The following FAM20A variants were observed in gnomAD, a reference collection of about 807,000 sequenced individuals.
FAM20A encodes FAM20A golgi associated secretory pathway pseudokinase.
A neutral mutation model predicts 52.0 loss-of-function variants in FAM20A; 42 were observed. The ratio of observed to expected loss-of-function variants is 0.81; its 90% CI spans 0.63 to 1.04. FAM20A has a LOEUF of 1.04. FAM20A is among the 50% of genes least tolerant of loss of function. The pLI is 0.00. For synonymous variants in FAM20A, 304 were observed against 298.9 expected, an observed-to-expected ratio of 1.02 and a Z score of -0.18; for missense variants, 742 against 712.7, an observed-to-expected ratio of 1.04 and a Z score of -0.47.
chr17:68,569,905 C>T (rs1290085098), intron 1 of FAM20A, among the ~76,000 whole-genome samples: 1 of 152,158 alleles, frequency 6.6e-6, no homozygotes, highest in Non-Finnish European at 1.5e-5. Context: ...GGTCCCATGT[C>T]TCTGTTTCTG....
Position 68,536,858 on chromosome 17 carries a change from T to C in FAM20A, c.*619A>G. The C allele has an allele frequency of 6.6e-6, 3 of 454,164 alleles. No individual in the cohort carries two copies. Among genetic ancestry groups the C allele is most frequent in the Non-Finnish European group, 1.3e-5 (3 of 226,804 alleles). 28.1% of individuals were successfully genotyped at this position (454,164 alleles called of 1,614,324 possible). A position where few individuals can be genotyped will look rare whatever the true frequency, so the allele number is the denominator to read the frequency against. The stretch of plus-strand genomic sequence containing the variant: ...CTCCTTTTCTGATATTCTTAGCAAA[T>C]CCCTCTTTTATTTTTGCCACTTGTT... On this transcript the variant is annotated 3_prime_UTR_variant, in exon 11 of 11. Transcript: ENST00000592554.
intron 1 of FAM20A, among the ~76,000 whole-genome samples, chr17:68,592,706 T>C (rs1464062720): frequency 2.0e-5 from 3 of 152,260 alleles, no homozygotes; most frequent in African/African-American, 7.2e-5. Context: ...TCAGTCCATG[T>C]ACCCTGTGCC....
At chr17:68,576,193 A>G (rs1009880869) in intron 1 of FAM20A, among the ~76,000 whole-genome samples, 4 of 152,056 alleles carry the variant, frequency 2.6e-5, no homozygotes, top group South Asian at 2.1e-4. Context: ...CTTTGCTTCA[A>G]TCCCCCACAC....
chr17:68,558,232 A>G (rs763680123), intron 1 of FAM20A: 12 of 314,382 alleles, frequency 3.8e-5, no homozygotes, highest in Non-Finnish European at 2.0e-5. Context: ...AACAACGAGA[A>G]TGAGCTTGAA....
At chr17:68,591,208 G>A (rs750992643) in intron 1 of FAM20A, among the ~76,000 whole-genome samples, 7 of 152,172 alleles carry the variant, frequency 4.6e-5, no homozygotes, top group Non-Finnish European at 8.8e-5. Context: ...CTGGGTTCAC[G>A]CCATTCTCCT....
At chr17:68,543,006 G>A (rs2086379035) in intron 5 of FAM20A, among the ~76,000 whole-genome samples, 197 bp from the exon 6 acceptor site, 1 of 152,178 alleles carries the variant, frequency 6.6e-6, no homozygotes. Context: ...AAGGAGTGGA[G>A]ATGGAGTTGA....
Position 68,600,127 on chromosome 17 carries a change from A to C in FAM20A, c.404+136T>G. 9.5e-7 allele frequency: 1 copy of C among 1,051,678 alleles called. No individual in the cohort carries two copies. 65.1% of individuals were successfully genotyped at this position (1,051,678 alleles called of 1,614,324 possible). A position where few individuals can be genotyped will look rare whatever the true frequency, so the allele number is the denominator to read the frequency against. On this transcript the variant is annotated intron_variant, in intron 1 of 10. Coordinates refer to ENST00000592554, the MANE Select transcript of FAM20A (RefSeq NM_017565.4). This position sits in a 1 kb window ranked among gnomAD's most constrained non-coding sequence, Gnocchi z 6.2. ...GGGTTCGGGTGGGGAACACACTCTA[A>C]GCCCAGCGCCAGGGCTGGAGCCGTG...
intron 5 of FAM20A, 53 bp from the exon 6 acceptor site, chr17:68,542,862 G>A: frequency 7.1e-7 from 1 of 1,416,078 alleles, no homozygotes; most frequent in Non-Finnish European, 1.0e-6. Context: ...GAGTGAGGAG[G>A]AGGGGTTTTG....
chr17:68,570,331 C>T (rs2087504395), intron 1 of FAM20A, among the ~76,000 whole-genome samples: 1 of 152,200 alleles, frequency 6.6e-6, no homozygotes, highest in Non-Finnish European at 1.5e-5. Context: ...GCCTCAGCCT[C>T]CCAAAGTGCT....
Position 68,535,704 on chromosome 17 carries a change from G to GT in FAM20A, c.*1772dup. 2.2e-6 allele frequency: 1 copy of GT among 449,250 alleles called. No individual in the cohort carries two copies. The highest frequency in any genetic ancestry group is 1.6e-5 in the South Asian group (1 of 63,366). The allele number at this position is 449,250 out of a possible 1,614,324, so 27.8% of individuals were successfully genotyped here. On this transcript the variant is annotated 3_prime_UTR_variant, in exon 11 of 11. Transcript: ENST00000592554. ...TTTTGTATTTTTTTGTAGAGACAGG[G>GT]TTTTGTCATGTTACCCAGGCTGGTC...
At chr17:68,547,633 G>C (rs1458943153) in intron 4 of FAM20A, among the ~76,000 whole-genome samples, 2 of 152,218 alleles carry the variant, frequency 1.3e-5, no homozygotes, top group Non-Finnish European at 2.9e-5. Flanking sequence ...TTCTTCTGCA[G>C]CTTTCTCACC....
chr17:68,582,983 T>G (rs1197162484), intron 1 of FAM20A, among the ~76,000 whole-genome samples: 1 of 150,944 alleles, frequency 6.6e-6, no homozygotes, highest in Non-Finnish European at 1.5e-5. Context: ...TTTTTTTGTA[T>G]TTTTAGTAGA....
At chr17:68,572,584 G>A (rs1174222862) in intron 1 of FAM20A, among the ~76,000 whole-genome samples, 4 of 152,100 alleles carry the variant, frequency 2.6e-5, no homozygotes, top group African/African-American at 4.8e-5. Flanking sequence ...TCAGCACTGC[G>A]TTTGTGCCGG....
In FAM20A at chr17:68,537,561, C is replaced by T. The variant is rs1290265800; in HGVS notation, c.1542G>A (p.Val514=). 4 of 1,613,320 alleles carry T rather than the reference C, an allele frequency of 2.5e-6. No homozygotes were observed. The highest frequency in any genetic ancestry group is 1.3e-5 in the African/African-American group (1 of 75,008). ...CTATGACACTCTGCTGTCCATGGGC[C>T]ACTATGCACCCCTCCACTGTCCTTA... ...TILRTVEGCI[V]AHGQQSVIVD... The change falls in exon 11 of 11, where the codon GTG becomes GTA. Residue 514 remains valine (V), a synonymous_variant. Coordinates refer to ENST00000592554, the MANE Select transcript of FAM20A (RefSeq NM_017565.4). This position sits in a 1 kb window ranked among gnomAD's most constrained non-coding sequence, Gnocchi z 4.2.
chr17:68,587,837 C>T (rs566481242), intron 1 of FAM20A, among the ~76,000 whole-genome samples: 2 of 152,278 alleles, frequency 1.3e-5, no homozygotes, highest in South Asian at 4.1e-4. Flanking sequence ...ACTATTATCA[C>T]AAGTGCCCTG....
At chr17:68,591,408 CTT>C (rs1285466240) in intron 1 of FAM20A, among the ~76,000 whole-genome samples, 1 of 152,200 alleles carries the variant, frequency 6.6e-6, no homozygotes, top group Non-Finnish European at 1.5e-5. Context: ...CCCAAGGACT[CTT>C]TTTAATGCTG....
intron 1 of FAM20A, among the ~76,000 whole-genome samples, chr17:68,568,432 C>T (rs1363948240): frequency 6.6e-6 from 1 of 151,586 alleles, no homozygotes; most frequent in Admixed American, 6.6e-5. Flanking sequence ...CGCGTCACTG[C>T]ACTCCAGCCT....
chr17:68,585,128 A>G (rs1254255931), intron 1 of FAM20A, among the ~76,000 whole-genome samples: 1 of 152,126 alleles, frequency 6.6e-6, no homozygotes, highest in East Asian at 1.9e-4. Context: ...AGCAGATTCA[A>G]AGGTATTGTC....
At chr17:68,551,690 T>TTAG in intron 4 of FAM20A, among the ~76,000 whole-genome samples, 183 bp downstream of exon 4, 1 of 76,120 alleles carries the variant, frequency 1.3e-5, no homozygotes, top group East Asian at 2.7e-4. Flanking sequence ...GTATTTTCAA[T>TTAG]TATTATTATT....
Sources: gnomAD v4.1 joint callset for allele counts (sites outside exome capture counted in the v4.1 genomes callset) on GRCh38, gnomAD v4.1.1 for gene constraint, Gnocchi (gnomAD v3.1) non-coding constraint, MANE v1.5 for transcripts, NCBI Gene and HGNC (gene_info 2026-07-23, HGNC 2026-07-21) for gene names.